Variants in AGBL4 observed in about 807,000 individuals in gnomAD.
AGBL4 encodes the protein cytosolic carboxypeptidase 6.
A neutral mutation model predicts 66.4 loss-of-function variants in AGBL4; 58 were observed. The observed-to-expected ratio is 0.87, with a 90% CI of 0.71 to 1.09. AGBL4 has a LOEUF of 1.09. Ranked by LOEUF, AGBL4 falls within the 50% of genes least tolerant of loss-of-function variation. AGBL4 has a pLI of 0.00. For synonymous variants in AGBL4, 234 were observed against 222.9 expected, an observed-to-expected ratio of 1.05 and a Z score of -0.44; for missense variants, 579 against 631.0, an observed-to-expected ratio of 0.92 and a Z score of 0.88.
At chr1:49,049,860 A>G (rs1342258987) in intron 4 of AGBL4, among the ~76,000 whole-genome samples, 1 of 152,078 alleles carries the variant, frequency 6.6e-6, no homozygotes, top group East Asian at 1.9e-4. Flanking sequence ...TTATTATAGT[A>G]CTATTTCCTA....
At chr1:49,673,999 G>A (rs893663333) in intron 3 of AGBL4, among the ~76,000 whole-genome samples, 1 of 151,894 alleles carries the variant, frequency 6.6e-6, no homozygotes, top group Non-Finnish European at 1.5e-5. Flanking sequence ...TGATGACGAA[G>A]GAATGGAAAA....
intron 5 of AGBL4, among the ~76,000 whole-genome samples, chr1:48,906,648 G>C (rs1454621295): frequency 6.6e-6 from 1 of 152,168 alleles, no homozygotes; most frequent in Non-Finnish European, 1.5e-5. Context: ...GACATTGTAT[G>C]CAGATGGAGC....
intron 3 of AGBL4, among the ~76,000 whole-genome samples, chr1:49,601,132 C>A (rs527391119): frequency 1.3e-5 from 2 of 152,234 alleles, no homozygotes; most frequent in South Asian, 4.1e-4. Context: ...CGAGGAATAT[C>A]TTTTTGGTGT....
At chr1:49,567,687 G>A (rs1269079260) in intron 3 of AGBL4, among the ~76,000 whole-genome samples, 1 of 152,132 alleles carries the variant, frequency 6.6e-6, no homozygotes, top group Non-Finnish European at 1.5e-5. Flanking sequence ...ATTAAGCCCA[G>A]CATGCATTAG....
chr1:49,099,373 A>C (rs1374404160), intron 4 of AGBL4, among the ~76,000 whole-genome samples: 1 of 152,180 alleles, frequency 6.6e-6, no homozygotes, highest in East Asian at 1.9e-4. Context: ...CATAATTGTA[A>C]AAAGTCATGA....
At chr1:49,283,367 C>G (rs1377270921) in intron 3 of AGBL4, among the ~76,000 whole-genome samples, 1 of 152,210 alleles carries the variant, frequency 6.6e-6, no homozygotes, top group Non-Finnish European at 1.5e-5. Flanking sequence ...AAAAACCCAT[C>G]TGTACATCAC....
intron 12 of AGBL4, among the ~76,000 whole-genome samples, chr1:48,538,421 A>G (rs1644008275): frequency 6.6e-6 from 1 of 152,196 alleles, no homozygotes; most frequent in Non-Finnish European, 1.5e-5. Flanking sequence ...GTAAGTAGAA[A>G]AAAGCTTCAA....
At chr1:49,050,633 T>A (rs1644191642) in intron 4 of AGBL4, among the ~76,000 whole-genome samples, 1 of 152,104 alleles carries the variant, frequency 6.6e-6, no homozygotes, top group African/African-American at 2.4e-5. Context: ...CCTTTTTAAA[T>A]GCTATTCCTT....
chr1:49,530,193 C>T (rs958218061), intron 3 of AGBL4, among the ~76,000 whole-genome samples: 2 of 138,418 alleles, frequency 1.4e-5, no homozygotes, highest in Admixed American at 8.1e-5. Flanking sequence ...ATCATTTTCC[C>T]TTACATTTGG....
intron 3 of AGBL4, among the ~76,000 whole-genome samples, chr1:49,367,122 G>C (rs11577365): frequency 0.014 from 2,117 of 152,218 alleles, 19 homozygotes; most frequent in Non-Finnish European, 0.022. Context: ...AACAAACAAA[G>C]AAACAAACAA....
intron 1 of AGBL4, among the ~76,000 whole-genome samples, chr1:49,919,839 T>C (rs1652009357): frequency 6.6e-6 from 1 of 152,284 alleles, no homozygotes; most frequent in South Asian, 2.1e-4. Flanking sequence ...CTTCAAACTA[T>C]ACTACAAGGC....
At chr1:48,954,992 C>T (rs558421927) in intron 5 of AGBL4, among the ~76,000 whole-genome samples, 40 of 152,114 alleles carry the variant, frequency 2.6e-4, no homozygotes, top group African/African-American at 8.9e-4. Flanking sequence ...TAGGGCTTAG[C>T]GTGATTAAGT....
At position 48,891,870 on chromosome 1, in the gene AGBL4, A is replaced by G. The variant is rs868221656; in HGVS notation, c.595-24640T>C. 3.3e-5 allele frequency among the ~76,000 whole-genome samples: 5 copies of G among 152,264 alleles called. No individual in the cohort carries two copies. The East Asian group carries it at 7.7e-4, about 24-fold the overall frequency. ...AACCCTGAACTTTTTTCATTAAACC[A>G]TGCTGTCTCCAGAAATGACCCTAGG... On this transcript the variant is annotated intron_variant, in intron 5 of 13. Coordinates refer to ENST00000371839, the MANE Select transcript of AGBL4 (RefSeq NM_032785.4).
chr1:49,561,794 A>G (rs1644053339), intron 3 of AGBL4, among the ~76,000 whole-genome samples: 1 of 152,154 alleles, frequency 6.6e-6, no homozygotes, highest in Non-Finnish European at 1.5e-5. Flanking sequence ...TTATAGCAGC[A>G]TGATTTATAA....
At chr1:49,931,679 G>A (rs980807899) in intron 1 of AGBL4, among the ~76,000 whole-genome samples, 6 of 151,986 alleles carry the variant, frequency 3.9e-5, no homozygotes, top group African/African-American at 1.5e-4. Context: ...AGTATCAGAT[G>A]GCAATTTTCC....
intron 4 of AGBL4, among the ~76,000 whole-genome samples, chr1:49,197,028 C>G (rs991783661): frequency 3.9e-5 from 6 of 152,016 alleles, no homozygotes; most frequent in Non-Finnish European, 8.8e-5. Flanking sequence ...GGGGTTTTGT[C>G]ATGTTTTCCA....
At chr1:49,399,160 T>G (rs1221194886) in intron 3 of AGBL4, among the ~76,000 whole-genome samples, 1 of 152,202 alleles carries the variant, frequency 6.6e-6, no homozygotes, top group Non-Finnish European at 1.5e-5. Flanking sequence ...CCATTCATGT[T>G]GTTGCAAATT....
intron 2 of AGBL4, among the ~76,000 whole-genome samples, chr1:49,790,107 G>A (rs1406679889): frequency 3.9e-5 from 6 of 152,178 alleles, no homozygotes; most frequent in Admixed American, 1.3e-4. Flanking sequence ...GGCCAGGCAC[G>A]GTGGCTCACG....
intron 1 of AGBL4, among the ~76,000 whole-genome samples, chr1:50,013,003 G>A (rs1661669131): frequency 6.6e-6 from 1 of 152,126 alleles, no homozygotes; most frequent in Non-Finnish European, 1.5e-5. Context: ...AACACCCATT[G>A]TCTCAGAATA....
Sources: gnomAD v4.1 joint callset for allele counts (sites outside exome capture counted in the v4.1 genomes callset) on GRCh38, gnomAD v4.1.1 for gene constraint, MANE v1.5 for transcripts, NCBI Gene and HGNC (gene_info 2026-07-23, HGNC 2026-07-21) for gene names.